The following CALML6 variants were observed in gnomAD, a reference collection of about 807,000 sequenced individuals.
The protein encoded by CALML6 is calmodulin like 6.
A neutral mutation model predicts 25.0 loss-of-function variants in CALML6; 27 were observed. The ratio of observed to expected loss-of-function variants is 1.08; its 90% CI spans 0.80 to 1.49. The LOEUF (loss-of-function observed/expected upper bound fraction) is 1.49. CALML6 is among the 40% of genes most tolerant of loss of function. The probability of loss-of-function intolerance (pLI) is 0.00; values close to 1 mark genes in which losing one functional copy is unlikely to be tolerated. For synonymous variants in CALML6, 97 were observed against 87.2 expected (o/e 1.11, Z -0.63); for missense variants, 239 against 232.7 (o/e 1.03, Z -0.18).
At position 1,915,685 on chromosome 1, in the gene CALML6, C is replaced by T; in HGVS notation, c.28C>T (p.Gln10Ter). Residue 10 changes from glutamine (Q) to a stop codon, truncating the protein, a stop_gained and splice_region_variant, in exon 2 of 6, where the codon CAG becomes TAG. Transcript: ENST00000307786. LOFTEE classifies it high-confidence loss of function. ...CACTGCCCCAGCACTCTGCCCACAGCAGCCCTGGTGTCACCACCCTGCAGA... is the reference window on the plus strand; with the variant it reads ...CACTGCCCCAGCACTCTGCCCACAGTAGCCCTGGTGTCACCACCCTGCAGA... MGLQQEISL[Q>*]PWCHHPAESC... is the part of the protein sequence containing the mutation. 6.2e-7 allele frequency: 1 copy of T among 1,613,298 alleles called. No homozygotes were observed. The highest frequency in any genetic ancestry group is 1.6e-4 in the Middle Eastern group (1 of 6,062).
At position 1,917,249 on chromosome 1, in the gene CALML6, CT is replaced by C. The variant is rs1651166716; in HGVS notation, c.*57del. The C allele has an allele frequency of 2.7e-6, 4 of 1,503,050 alleles. No individual in the cohort carries two copies. Among genetic ancestry groups the C allele is most frequent in the Non-Finnish European group, 2.7e-6 (3 of 1,112,594 alleles). 93.1% of individuals were successfully genotyped at this position (1,503,050 alleles called of 1,614,324 possible). ...CCGGGAAGGCTGCTGCCCCTGCCCC[CT>C]GGCCCCCACTCCCCCGGCTCCGTGT... On this transcript the variant is annotated 3_prime_UTR_variant, in exon 6 of 6. Coordinates refer to ENST00000307786, the MANE Select transcript of CALML6 (RefSeq NM_138705.4).
rs1037774428 is a variant in CALML6, at chr1:1,917,266, G to A, written c.*73G>A. ...CCTGCCCCCTGGCCCCCACTCCCCC[G>A]GCTCCGTGTAAAATAAATGTTCCAG... On this transcript the variant is annotated 3_prime_UTR_variant, in exon 6 of 6. Coordinates refer to ENST00000307786, the MANE Select transcript of CALML6 (RefSeq NM_138705.4). 11 of 1,451,902 alleles carry A rather than the reference G, an allele frequency of 7.6e-6. No homozygotes were observed. Among genetic ancestry groups the A allele is most frequent in the African/African-American group, 5.6e-5 (4 of 70,840 alleles). 89.9% of individuals were successfully genotyped at this position (1,451,902 alleles called of 1,614,324 possible). A position where few individuals can be genotyped will look rare whatever the true frequency, so the allele number is the denominator to read the frequency against.
chr1:1,917,000 C>T lies in CALML6; in HGVS notation c.425C>T (p.Pro142Leu), dbSNP rs947321510. The T allele has an allele frequency of 1.2e-6, 2 of 1,609,732 alleles. No individual in the cohort carries two copies. Among genetic ancestry groups the T allele is most frequent in the African/African-American group, 1.3e-5 (1 of 74,858 alleles). Residue 142 changes from proline to leucine, a missense_variant, in exon 5 of 6, where the codon CCC (proline) becomes CTC (leucine). Pro to Leu is a moderately conservative substitution (Grantham distance 98). Around this residue, in one of 2 missense-constraint regions of CALML6, gnomAD observed 231 missense variants for 210.9 expected, o/e 1.10. Transcript: ENST00000307786. Reference sequence around the variant, plus strand: ...TACGTGCTAATGAACGCAGGGGAGCCCCTCAACGAGGTGGAGGCGGAGCAG... The same window carrying T: ...TACGTGCTAATGAACGCAGGGGAGCTCCTCAACGAGGTGGAGGCGGAGCAG... ...LKYVLMNAGE[P>L]LNEVEAEQMM...
At position 1,916,990 on chromosome 1, in the gene CALML6, G is replaced by A. The variant is rs1361769441; in HGVS notation, c.415G>A (p.Ala139Thr). The A allele has an allele frequency of 1.8e-5, 29 of 1,610,062 alleles. No homozygotes were observed. Among genetic ancestry groups the A allele is most frequent in the East Asian group, 8.9e-5 (4 of 44,806 alleles). Residue 139 changes from alanine to threonine, a missense_variant, in exon 5 of 6, where the codon GCA becomes ACA. Ala to Thr is a moderately conservative substitution (Grantham distance 58). Around this residue, in one of 2 missense-constraint regions of CALML6, gnomAD observed 231 missense variants for 210.9 expected, o/e 1.10. Transcript: ENST00000307786. ...GCCCCGTAGGTACGTGCTAATGAACGCAGGGGAGCCCCTCAACGAGGTGGA... is the reference window on the plus strand; with the variant it reads ...GCCCCGTAGGTACGTGCTAATGAACACAGGGGAGCCCCTCAACGAGGTGGA... ...WNTLKYVLMN[A>T]GEPLNEVEAE...
chr1:1,917,116 G>A, intron 5 of CALML6, 31 bp from the exon 6 acceptor site: 1 of 1,608,412 alleles, frequency 6.2e-7, no homozygotes, highest in East Asian at 2.2e-5. Flanking sequence ...CTGGGCCGGG[G>A]CAAGCTGCTG....
Position 1,915,729 on chromosome 1 carries a change from C to A in CALML6, c.72C>A (p.Thr24=). Residue 24 remains threonine, a synonymous_variant, in exon 2 of 6, where the codon ACC becomes ACA. Transcript: ENST00000307786. The part of the protein sequence containing the change: ...HHPAESCQTT[T]DMTERLSAEQ... The stretch of plus-strand genomic sequence containing the variant: ...CTGCAGAATCCTGTCAGACAACCAC[C>A]GACATGGTAAGGCTGCTCTCTGTGC... The A allele has an allele frequency of 6.2e-7, 1 of 1,613,378 alleles. No individual in the cohort carries two copies. The highest frequency in any genetic ancestry group is 8.5e-7 in the Non-Finnish European group (1 of 1,179,914).
In CALML6 at chr1:1,915,324, T is replaced by A; in HGVS notation, c.27+17T>A. 6.4e-7 allele frequency: 1 copy of A among 1,553,050 alleles called. No individual in the cohort carries two copies. Among genetic ancestry groups the A allele is most frequent in the Non-Finnish European group, 8.7e-7 (1 of 1,148,280 alleles). On this transcript the variant is annotated intron_variant, in intron 1 of 5. Coordinates refer to ENST00000307786, the MANE Select transcript of CALML6 (RefSeq NM_138705.4). Reference sequence around the variant, plus strand: ...ATCTCACTGGTAAGTGATGACAGCATGGGACCAGGGTCCCATGAAGACCTG... The same window carrying A: ...ATCTCACTGGTAAGTGATGACAGCAAGGGACCAGGGTCCCATGAAGACCTG...
intron 2 of CALML6, chr1:1,916,163 G>A (rs1032861485): frequency 1.4e-5 from 6 of 431,480 alleles, no homozygotes; most frequent in African/African-American, 9.8e-5. Flanking sequence ...TGCCTGGCCC[G>A]CCTGGCCCTG....
In CALML6 at chr1:1,917,243, T is replaced by TGCCCCC. The variant is rs950417360; in HGVS notation, c.*51_*56dup. The stretch of plus-strand genomic sequence containing the variant: ...GCCTGCCCGGGAAGGCTGCTGCCCC[T>TGCCCCC]GCCCCCTGGCCCCCACTCCCCCGGC... On this transcript the variant is annotated 3_prime_UTR_variant, in exon 6 of 6. Transcript: ENST00000307786. The TGCCCCC allele has an allele frequency of 8.6e-6, 13 of 1,509,156 alleles. No homozygotes were observed. The highest frequency in any genetic ancestry group is 9.8e-6 in the Non-Finnish European group (11 of 1,119,054). The allele number at this position is 1,509,156 out of a possible 1,614,324, so 93.5% of individuals were successfully genotyped here. A position where few individuals can be genotyped will look rare whatever the true frequency, so the allele number is the denominator to read the frequency against.
rs1570790717 is a variant in CALML6 at position 1,915,269 on chromosome 1, C to T, written c.-12C>T. On this transcript the variant is annotated 5_prime_UTR_variant, in exon 1 of 6. Coordinates refer to ENST00000307786, the MANE Select transcript of CALML6 (RefSeq NM_138705.4). ...GGCCAGGCTCTGAGCCACTGAGCAC[C>T]AGCTGGCCAGGATGGGTCTTCAACA... 4 of 1,558,158 alleles carry T rather than the reference C, an allele frequency of 2.6e-6. No homozygotes were observed. In the East Asian group the frequency reaches 9.6e-5, roughly 37 times the overall value.
intron 4 of CALML6, 24 bp downstream of exon 4, chr1:1,916,920 T>C: frequency 8.3e-6 from 3 of 359,442 alleles, no homozygotes; most frequent in African/African-American, 7.7e-5. Context: ...TGGGGGCGGG[T>C]GGTGGGCGGG....
In CALML6 at chr1:1,916,449, C is replaced by T. The variant is rs1170895655; in HGVS notation, c.87C>T (p.Arg29=). 6.5e-7 allele frequency: 1 copy of T among 1,532,866 alleles called. No individual in the cohort carries two copies. Among genetic ancestry groups the T allele is most frequent in the African/African-American group, 1.4e-5 (1 of 72,522 alleles). The allele number at this position is 1,532,866 out of a possible 1,614,324, so 95.0% of individuals were successfully genotyped here. ...SCQTTTDMTE[R]LSAEQIKEYK... ...GCGGGTGTCCCCTGCAGACAGAGCG[C>T]CTGTCGGCTGAGCAGATCAAGGAGT... Residue 29 remains arginine, a synonymous_variant, in exon 3 of 6, where the codon CGC becomes CGT. Transcript: ENST00000307786.
chr1:1,916,943 C>T (rs772022088), intron 4 of CALML6, 31 bp from the exon 5 acceptor site: 33 of 1,611,096 alleles, frequency 2.0e-5, no homozygotes, highest in Admixed American at 6.7e-5. Context: ...CGGGCAGGGC[C>T]GATGGAGTGG....
Position 1,915,271 on chromosome 1 carries a change from G to A in CALML6, c.-10G>A. 1 of 1,558,342 alleles carries A rather than the reference G, an allele frequency of 6.4e-7. No individual in the cohort carries two copies. On this transcript the variant is annotated 5_prime_UTR_variant, in exon 1 of 6. Coordinates refer to ENST00000307786, the MANE Select transcript of CALML6 (RefSeq NM_138705.4). ...CCAGGCTCTGAGCCACTGAGCACCA[G>A]CTGGCCAGGATGGGTCTTCAACAAG...
In CALML6 at chr1:1,916,913, G is replaced by A; in HGVS notation, c.398+17G>A. 1.2e-6 allele frequency: 2 copies of A among 1,607,162 alleles called. No homozygotes were observed. The highest frequency in any genetic ancestry group is 1.7e-6 in the Non-Finnish European group (2 of 1,175,184). On this transcript the variant is annotated intron_variant, in intron 4 of 5. Transcript: ENST00000307786. Reference sequence around the variant, plus strand: ...CACACTCAAGTAGGGCCCGGGTTGGGGGCGGGTGGTGGGCGGGCACGGGCA... The same window carrying A: ...CACACTCAAGTAGGGCCCGGGTTGGAGGCGGGTGGTGGGCGGGCACGGGCA...
At position 1,916,476 on chromosome 1, in the gene CALML6, C is replaced by T; in HGVS notation, c.114C>T (p.Tyr38=). 2 of 1,565,072 alleles carry T rather than the reference C, an allele frequency of 1.3e-6. No individual in the cohort carries two copies. The highest frequency in any genetic ancestry group is 2.4e-5 in the East Asian group (1 of 41,856). Residue 38 remains tyrosine (Y), a synonymous_variant, in exon 3 of 6, where the codon TAC becomes TAT. Coordinates refer to ENST00000307786, the MANE Select transcript of CALML6 (RefSeq NM_138705.4). ...TGTCGGCTGAGCAGATCAAGGAGTA[C>T]AAGGGAGTCTTTGAGATGTTCGACG... The part of the protein sequence containing the change: ...ERLSAEQIKE[Y]KGVFEMFDEE...
chr1:1,916,321 T>TAG, intron 2 of CALML6, 120 bp from the exon 3 acceptor site: 1 of 957,690 alleles, frequency 1.0e-6, no homozygotes, highest in Non-Finnish European at 1.5e-6. Flanking sequence ...GCCTCCTCTC[T>TAG]TACCACTCAC....
Position 1,916,746 on chromosome 1 carries a change from T to C in CALML6, c.254-6T>C. The C allele has an allele frequency of 6.2e-7, 1 of 1,613,454 alleles. No homozygotes were observed. Among genetic ancestry groups the C allele is most frequent in the South Asian group, 1.1e-5 (1 of 91,080 alleles). ...ATCCCTTGAGCCCCAGCTGTGCCCC[T>C]TGCAGACAAAGGGTTCTTCAACTGC... On this transcript the variant is annotated splice_region_variant and splice_polypyrimidine_tract_variant and intron_variant, in intron 3 of 5. Coordinates refer to ENST00000307786, the MANE Select transcript of CALML6 (RefSeq NM_138705.4).
rs963222671 is a variant in CALML6, at chr1:1,917,252, G to A, written c.*59G>A. The A allele has an allele frequency of 6.7e-7, 1 of 1,501,784 alleles. No homozygotes were observed. Among genetic ancestry groups the A allele is most frequent in the Admixed American group, 2.0e-5 (1 of 50,816 alleles). The allele number at this position is 1,501,784 out of a possible 1,614,324, so 93.0% of individuals were successfully genotyped here. A position where few individuals can be genotyped will look rare whatever the true frequency, so the allele number is the denominator to read the frequency against. ...GGAAGGCTGCTGCCCCTGCCCCCTG[G>A]CCCCCACTCCCCCGGCTCCGTGTAA... is the stretch of plus-strand genomic sequence containing the variant. On this transcript the variant is annotated 3_prime_UTR_variant, in exon 6 of 6. Coordinates refer to ENST00000307786, the MANE Select transcript of CALML6 (RefSeq NM_138705.4).
Sources: allele counts gnomAD v4.1 joint callset, GRCh38; gene constraint gnomAD v4.1.1; regional missense constraint gnomAD v4.1.1; transcripts MANE v1.5; gene names NCBI Gene and HGNC (gene_info 2026-07-23, HGNC 2026-07-21).